The following VPS28 variants were observed in gnomAD, a reference collection of about 807,000 sequenced individuals.
VPS28 encodes the protein VPS28 subunit of ESCRT-I.
VPS28 carries 29 observed loss-of-function variants against 33.7 expected under a neutral mutation model. The observed-to-expected ratio is 0.86, with a 90% CI of 0.64 to 1.17. The LOEUF (loss-of-function observed/expected upper bound fraction) is 1.17, where lower values mean the gene tolerates loss of function less well. Among genes scored for constraint, VPS28 ranks in the 50% most tolerant of loss-of-function variants. The pLI, the probability that VPS28 is intolerant of heterozygous loss-of-function variation, is 0.00. For synonymous variants in VPS28, 164 were observed against 116.7 expected, an observed-to-expected ratio of 1.40 and a Z score of -2.61; for missense variants, 247 against 312.2, an observed-to-expected ratio of 0.79 and a Z score of 1.57.
intron 4 of VPS28, 125 bp downstream of exon 4, chr8:144,425,901 G>A: frequency 2.0e-6 from 3 of 1,512,036 alleles, no homozygotes; most frequent in Non-Finnish European, 2.7e-6. Context: ...GAGTGCCTCA[G>A]GAACAGTTCC....
Position 144,426,990 on chromosome 8 carries a change from G to C in VPS28, c.-34-11C>G, listed in dbSNP as rs373332029. On this transcript the variant is annotated splice_polypyrimidine_tract_variant and intron_variant, in intron 1 of 9. Transcript: ENST00000292510. ...GCACAGCACTGAGACCTGGGGAGCA[G>C]AGCCAGGGCCGACTCAAAGATGGCC... The C allele has an allele frequency of 6.2e-7, 1 of 1,606,222 alleles. No individual in the cohort carries two copies. The highest frequency in any genetic ancestry group is 1.3e-5 in the African/African-American group (1 of 74,466).
chr8:144,425,026 G>C lies in VPS28; in HGVS notation c.220C>G (p.Leu74Val). The C allele has an allele frequency of 6.4e-7, 1 of 1,552,618 alleles. No homozygotes were observed. The stretch of plus-strand genomic sequence containing the variant: ...CTGAAGGCAGCTTTGTATTGGACCA[G>C]GAGCCGGGAGCAGGCTGCAGTGTAC... ...SEYTAACSRL[L>V]VQYKAAFRQV... is the part of the protein sequence containing the mutation. The change falls in exon 6 of 10, where the codon CTG becomes GTG. Residue 74 changes from leucine to valine, a missense_variant. Coordinates refer to ENST00000292510, the MANE Select transcript of VPS28 (RefSeq NM_016208.4).
chr8:144,424,133 C>T lies in VPS28; in HGVS notation c.457-1G>A. ...TCAGCTCTCGCAGGTCGGGCTGGAT[C>T]TGAGACACACACAGCGGCTGGGACC... On this transcript the variant is annotated splice_acceptor_variant, in intron 8 of 9. Coordinates refer to ENST00000292510, the MANE Select transcript of VPS28 (RefSeq NM_016208.4). LOFTEE classifies it high-confidence loss of function. 6.5e-7 allele frequency: 1 copy of T among 1,550,044 alleles called. No homozygotes were observed. Among genetic ancestry groups the T allele is most frequent in the Non-Finnish European group, 8.7e-7 (1 of 1,144,650 alleles).
intron 7 of VPS28, 111 bp from the exon 8 acceptor site, chr8:144,424,379 G>A: frequency 2.1e-6 from 3 of 1,397,244 alleles, no homozygotes; most frequent in South Asian, 1.4e-5. Context: ...CCTCCTCACT[G>A]TACTCTGTTC....
intron 1 of VPS28, among the ~76,000 whole-genome samples, chr8:144,427,866 T>G (rs1037341491): frequency 6.6e-6 from 1 of 151,980 alleles, no homozygotes; most frequent in Non-Finnish European, 1.5e-5. Flanking sequence ...GACACCCCTG[T>G]TTTTGGCCCA....
intron 5 of VPS28, chr8:144,425,348 G>A (rs1586666329): frequency 1.8e-5 from 10 of 566,044 alleles, no homozygotes; most frequent in East Asian, 3.0e-5. Context: ...GGTCCTGTGC[G>A]GTGGCCTGTG....
intron 4 of VPS28, 67 bp downstream of exon 4, chr8:144,425,959 G>A: frequency 6.8e-7 from 1 of 1,471,494 alleles, no homozygotes; most frequent in South Asian, 1.4e-5. Context: ...GGTGGGTCTG[G>A]AGGGGCTGCC....
In VPS28 at chr8:144,425,778, G is replaced by A. The variant is rs781783757; in HGVS notation, c.105-6C>T. On this transcript the variant is annotated splice_polypyrimidine_tract_variant and splice_region_variant and intron_variant, in intron 4 of 9. Transcript: ENST00000292510. ...GCTCTGCCATGTTGTCGTACCTGAG[G>A]ACACACCTGTCTATCGGGCCAGGCC... 58 of 1,613,706 alleles carry A rather than the reference G, an allele frequency of 3.6e-5. No individual in the cohort carries two copies. Among genetic ancestry groups the A allele is most frequent in the East Asian group, 1.8e-4 (8 of 44,894 alleles).
In VPS28 at chr8:144,424,405, C is replaced by T. The variant is rs1319261779; in HGVS notation, c.403-137G>A. 26 of 1,200,536 alleles carry T rather than the reference C, an allele frequency of 2.2e-5. No individual in the cohort carries two copies. In the Admixed American group the frequency reaches 6.9e-4, roughly 32 times the overall value. 74.4% of individuals were successfully genotyped at this position (1,200,536 alleles called of 1,614,324 possible). On this transcript the variant is annotated intron_variant, in intron 7 of 9. Transcript: ENST00000292510. ...TACTCTGTTCCCAAACCCTGCAGGCCTCCTGGGTGAACGAGGTCCTGGCTG... is the reference window on the plus strand; with the variant it reads ...TACTCTGTTCCCAAACCCTGCAGGCTTCCTGGGTGAACGAGGTCCTGGCTG...
rs989808435 is a variant in VPS28 at position 144,426,555 on chromosome 8, C to T, written c.38-347G>A. ...CCCCAGCTCCACCATGGCTCCCTGG[C>T]GGAGTCACCTGCACAACAGTGGCCA... On this transcript the variant is annotated intron_variant, in intron 2 of 9. Transcript: ENST00000292510. The T allele has an allele frequency of 3.9e-5, 17 of 431,582 alleles. No homozygotes were observed. The South Asian group carries it at 4.4e-4, about 11-fold the overall frequency. The allele number at this position is 431,582 out of a possible 1,614,324, so 26.7% of individuals were successfully genotyped here.
At position 144,424,945 on chromosome 8, in the gene VPS28, C is replaced by A. The variant is rs368919189; in HGVS notation, c.300+1G>T. The A allele has an allele frequency of 6.3e-7, 1 of 1,584,376 alleles. No individual in the cohort carries two copies. On this transcript the variant is annotated splice_donor_variant, in intron 6 of 9. Transcript: ENST00000292510. LOFTEE classifies it high-confidence loss of function. Reference sequence around the variant, plus strand: ...TGGGGGTGGAAGGACCAGGCACTCACGCGGAACTTGCGGCAGAATTCGTCA... The same window carrying A: ...TGGGGGTGGAAGGACCAGGCACTCAAGCGGAACTTGCGGCAGAATTCGTCA...
rs11558160 is a variant in VPS28 at position 144,423,800 on chromosome 8, C to A, written c.*5G>T. On this transcript the variant is annotated 3_prime_UTR_variant, in exon 10 of 10. Transcript: ENST00000292510. ...CCCTTCTGTGCAAGGGCTAGTGCCC[C>A]GGGCTCAGGCATGCAGGAAGCGGTT... 1 of 1,613,000 alleles carries A rather than the reference C, an allele frequency of 6.2e-7. No individual in the cohort carries two copies. Among genetic ancestry groups the A allele is most frequent in the Non-Finnish European group, 8.5e-7 (1 of 1,180,046 alleles).
chr8:144,424,359 G>A (rs1822574465), intron 7 of VPS28, 91 bp from the exon 8 acceptor site: 6 of 1,476,748 alleles, frequency 4.1e-6, no homozygotes, highest in South Asian at 1.3e-5. Flanking sequence ...AGCCACAGCT[G>A]TCACTTGGGC....
intron 1 of VPS28, among the ~76,000 whole-genome samples, chr8:144,427,871 G>C (rs1183833611): frequency 2.0e-5 from 3 of 152,152 alleles, no homozygotes; most frequent in African/African-American, 7.2e-5. Context: ...CCCTGTTTTT[G>C]GCCCAATGGG....
At chr8:144,425,077 A>C in intron 5 of VPS28, 26 bp from the exon 6 acceptor site, 2 of 1,544,976 alleles carry the variant, frequency 1.3e-6, no homozygotes, top group South Asian at 2.4e-5. Context: ...CTGCTGCCCA[A>C]GCATGGGACC....
intron 7 of VPS28, 100 bp from the exon 8 acceptor site, chr8:144,424,368 GCCT>G (rs1180035603): frequency 2.8e-6 from 4 of 1,442,154 alleles, no homozygotes; most frequent in Non-Finnish European, 2.8e-6. Flanking sequence ...TGTCACTTGG[GCCT>G]CCTCACTGTA....
At chr8:144,428,004 G>A (rs531299537) in intron 1 of VPS28, among the ~76,000 whole-genome samples, 1 of 152,268 alleles carries the variant, frequency 6.6e-6, no homozygotes, top group East Asian at 1.9e-4. Context: ...GGGAGTGGAC[G>A]GTGCTACCGG....
rs782522312 is a variant in VPS28 at position 144,423,756 on chromosome 8, G to A, written c.*49C>T. The stretch of plus-strand genomic sequence containing the variant: ...CTGTGTGGCGGACAGGGGACCAGGA[G>A]CCATCGCCTCAGACTCTGCCCTTCT... On this transcript the variant is annotated 3_prime_UTR_variant, in exon 10 of 10. Coordinates refer to ENST00000292510, the MANE Select transcript of VPS28 (RefSeq NM_016208.4). 1.9e-6 allele frequency: 3 copies of A among 1,608,558 alleles called. No homozygotes were observed. Among genetic ancestry groups the A allele is most frequent in the East Asian group, 4.5e-5 (2 of 44,834 alleles).
In VPS28 at chr8:144,426,963, G is replaced by A. The variant is rs376839454; in HGVS notation, c.-18C>T. The A allele has an allele frequency of 2.5e-6, 4 of 1,611,914 alleles. No individual in the cohort carries two copies. In the African/African-American group the frequency reaches 5.3e-5, roughly 22 times the overall value. ...TGAAACATCCTCTAGGCTCTGGGGG[G>A]GGCACAGCACTGAGACCTGGGGAGC... On this transcript the variant is annotated 5_prime_UTR_variant, in exon 2 of 10. Transcript: ENST00000292510.
Sources: gnomAD v4.1 joint callset for allele counts (sites outside exome capture counted in the v4.1 genomes callset) on GRCh38, gnomAD v4.1.1 for gene constraint, MANE v1.5 for transcripts, NCBI Gene and HGNC (gene_info 2026-07-23, HGNC 2026-07-21) for gene names.